Variants in PRRG4 observed in about 807,000 individuals in gnomAD.
PRRG4 encodes transmembrane gamma-carboxyglutamic acid protein 4.
PRRG4 carries 12 observed loss-of-function variants against 20.0 expected under a neutral mutation model. The observed-to-expected ratio is 0.60, with a 90% CI of 0.38 to 0.97. The LOEUF (loss-of-function observed/expected upper bound fraction) is 0.97, where lower values mean the gene tolerates loss of function less well. Ranked by LOEUF, PRRG4 falls within the 50% of genes least tolerant of loss-of-function variation. The pLI is 0.00. For missense variants in PRRG4, 199 were observed against 265.1 expected (o/e 0.75, Z 1.73); for synonymous variants, 94 against 96.4 (o/e 0.98, Z 0.15).
chr11:32,843,039 C>T (rs1046242491), intron 5 of PRRG4, among the ~76,000 whole-genome samples: 2 of 151,914 alleles, frequency 1.3e-5, no homozygotes, highest in Non-Finnish European at 2.9e-5. Flanking sequence ...GACGGGGTTT[C>T]ACCATGTTGG....
intron 5 of PRRG4, among the ~76,000 whole-genome samples, chr11:32,843,721 C>T (rs552581659): frequency 2.0e-4 from 20 of 102,484 alleles, no homozygotes; most frequent in African/African-American, 8.1e-4. Context: ...ACCAATCTCC[C>T]GTTTTTCTGT....
chr11:32,840,230 A>C lies in PRRG4; in HGVS notation c.440A>C (p.Gln147Pro). 1.9e-6 allele frequency: 3 copies of C among 1,594,162 alleles called. No homozygotes were observed. The part of the protein sequence containing the change: ...YLCITKCNRL[Q>P]HPCSSAVYER... ...TGTATCACTAAGTGTAATAGGCTAC[A>C]ACATCCATGGTAAGTACTAAGTGAA... The change falls in exon 5 of 6, where the codon CAA (glutamine) becomes CCA (proline). Residue 147 changes from glutamine to proline, a missense_variant. Gln to Pro is a moderately conservative substitution (Grantham distance 76). Coordinates refer to ENST00000257836, the MANE Select transcript of PRRG4 (RefSeq NM_024081.6). This position sits in a 1 kb window ranked among gnomAD's most constrained non-coding sequence, Gnocchi z 4.1.
chr11:32,848,065 C>T (rs534040871), intron 5 of PRRG4, among the ~76,000 whole-genome samples: 1 of 152,124 alleles, frequency 6.6e-6, no homozygotes, highest in South Asian at 2.1e-4. Flanking sequence ...TTATAAGGAA[C>T]AGAAATTTAT....
intron 4 of PRRG4, 136 bp downstream of exon 4, chr11:32,839,066 A>T (rs1232390818): frequency 1.6e-6 from 1 of 631,280 alleles, no homozygotes; most frequent in Non-Finnish European, 2.8e-6. Context: ...TCAACTATGC[A>T]CCGGGCTATC....
intron 5 of PRRG4, among the ~76,000 whole-genome samples, chr11:32,852,722 G>A (rs551154336): frequency 6.6e-6 from 1 of 151,410 alleles, no homozygotes; most frequent in Non-Finnish European, 1.5e-5. Context: ...AATTGAGGTC[G>A]GTAACTTGCC....
chr11:32,836,589 C>A, intron 2 of PRRG4, 69 bp from the exon 3 acceptor site: 1 of 923,060 alleles, frequency 1.1e-6, no homozygotes, highest in Non-Finnish European at 1.6e-6. Flanking sequence ...TCACTTTTTT[C>A]CACAATTAAA....
intron 2 of PRRG4, among the ~76,000 whole-genome samples, chr11:32,832,911 A>G (rs564311520): frequency 6.6e-6 from 1 of 152,214 alleles, no homozygotes; most frequent in Non-Finnish European, 1.5e-5. Flanking sequence ...AGTGAAATGC[A>G]TGGACAGCCT....
At chr11:32,831,339 A>C (rs1590665623) in intron 2 of PRRG4, among the ~76,000 whole-genome samples, 1 of 152,128 alleles carries the variant, frequency 6.6e-6, no homozygotes, top group African/African-American at 2.4e-5. Flanking sequence ...ACTCAGTGTC[A>C]GTACTCTGGA....
At chr11:32,836,918 T>C (rs1851024801) in intron 3 of PRRG4, 97 bp downstream of exon 3, 6 of 969,040 alleles carry the variant, frequency 6.2e-6, no homozygotes, top group Admixed American at 2.3e-5. Context: ...TTAAACACAA[T>C]CAGGATTATG....
At chr11:32,848,343 T>C (rs1851149120) in intron 5 of PRRG4, among the ~76,000 whole-genome samples, 1 of 152,130 alleles carries the variant, frequency 6.6e-6, no homozygotes, top group African/African-American at 2.4e-5. Flanking sequence ...CCTAATACTG[T>C]TGCATTGAGG....
At chr11:32,839,440 A>C (rs1370456092) in intron 4 of PRRG4, among the ~76,000 whole-genome samples, 1 of 151,886 alleles carries the variant, frequency 6.6e-6, no homozygotes, top group Non-Finnish European at 1.5e-5. Context: ...GGCCCCCTCC[A>C]TGGCAGGTTA....
Position 32,855,038 on chromosome 11 carries a change from ATAAG to A in PRRG4, c.*1515_*1518del, listed in dbSNP as rs1354275953. The A allele has an allele frequency of 1.3e-5, 2 of 152,334 alleles. No homozygotes were observed. Among genetic ancestry groups the A allele is most frequent in the African/African-American group, 2.4e-5 (1 of 41,564 alleles). The allele number at this position is 152,334 out of a possible 1,614,324, so 9.4% of individuals were successfully genotyped here. On this transcript the variant is annotated 3_prime_UTR_variant, in exon 6 of 6. Transcript: ENST00000257836. ...ATTATTTTGAAATTTGTTAAACTTC[ATAAG>A]TAATAGTTTGAGAATGTGGAAAAAG...
upstream of PRRG4, chr11:32,829,837 G>A (rs1850944896): frequency 1.0e-6 from 1 of 985,418 alleles, no homozygotes; most frequent in East Asian, 1.1e-4. Flanking sequence ...GGAGACGCCG[G>A]CCCACTGCCC....
chr11:32,830,363 G>T, intron 1 of PRRG4, 145 bp from the exon 2 acceptor site: 4 of 836,398 alleles, frequency 4.8e-6, no homozygotes, highest in Non-Finnish European at 6.6e-6. Context: ...CTGGGCGCGC[G>T]TCGGGTTCCG....
chr11:32,835,265 T>C (rs1851010240), intron 2 of PRRG4, among the ~76,000 whole-genome samples: 1 of 152,242 alleles, frequency 6.6e-6, no homozygotes, highest in Admixed American at 6.5e-5. Context: ...CAAAAATAAA[T>C]GTACAACTTG....
chr11:32,832,476 A>ATTCTTT (rs1554973420), intron 2 of PRRG4, among the ~76,000 whole-genome samples: 20 of 98,224 alleles, frequency 2.0e-4, no homozygotes, highest in Non-Finnish European at 3.0e-4. Flanking sequence ...CTTTGGTGAA[A>ATTCTTT]TTCTTTTTTT....
chr11:32,837,543 T>TGA (rs201636104), intron 3 of PRRG4, among the ~76,000 whole-genome samples: 1,497 of 83,758 alleles, frequency 0.018, 7 homozygotes, highest in East Asian at 0.033. Flanking sequence ...ATGATGATGA[T>TGA]TATTATTATT....
intron 2 of PRRG4, among the ~76,000 whole-genome samples, chr11:32,835,270 A>G (rs1226971334): frequency 2.6e-5 from 4 of 152,244 alleles, no homozygotes; most frequent in African/African-American, 7.2e-5. Flanking sequence ...ATAAATGTAC[A>G]ACTTGAGGTC....
At chr11:32,835,600 T>A (rs1156857935) in intron 2 of PRRG4, among the ~76,000 whole-genome samples, 1 of 152,202 alleles carries the variant, frequency 6.6e-6, no homozygotes, top group East Asian at 1.9e-4. Flanking sequence ...CCATTTACCT[T>A]CCCGTCAAAT....
Sources: allele counts gnomAD v4.1 joint callset (sites outside exome capture counted in the v4.1 genomes callset), GRCh38; gene constraint gnomAD v4.1.1; non-coding constraint Gnocchi (gnomAD v3.1); transcripts MANE v1.5; gene names NCBI Gene and HGNC (gene_info 2026-07-23, HGNC 2026-07-21).